ATXN10: variants seen among roughly 807,000 people sequenced by gnomAD.
ATXN10 encodes the protein ataxin 10.
ATXN10 carries 28 observed loss-of-function variants against 52.9 expected under a neutral mutation model. The observed-to-expected ratio is 0.53, with a 90% CI of 0.39 to 0.73. ATXN10 has a LOEUF of 0.73. Ranked by LOEUF, ATXN10 falls within the 30% of genes least tolerant of loss-of-function variation. The probability of loss-of-function intolerance (pLI) is 0.00; values close to 1 mark genes in which losing one functional copy is unlikely to be tolerated. For missense variants in ATXN10, 565 were observed against 577.0 expected, an observed-to-expected ratio of 0.98 and a Z score of 0.21; for synonymous variants, 226 against 221.5, an observed-to-expected ratio of 1.02 and a Z score of -0.18.
At chr22:45,738,688 C>T (rs761776508) in intron 7 of ATXN10, 43 bp from the exon 8 acceptor site, 2 of 1,457,088 alleles carry the variant, frequency 1.4e-6, no homozygotes, top group Non-Finnish European at 1.9e-6. Context: ...TAAATAATTT[C>T]TCTTAAAATA....
At position 45,672,331 on chromosome 22, in the gene ATXN10, C is replaced by T. The variant is rs1009803892; in HGVS notation, c.116+152C>T. 2.7e-5 allele frequency: 23 copies of T among 858,838 alleles called. No individual in the cohort carries two copies. In the East Asian group the frequency reaches 1.0e-3, roughly 37 times the overall value. The allele number at this position is 858,838 out of a possible 1,614,324, so 53.2% of individuals were successfully genotyped here. ...GCTGCCTGAGCGCCACCCAGGCCTC[C>T]CGACTCCCAGGCACCGCCTCGTGCT... On this transcript the variant is annotated intron_variant, in intron 1 of 11. Coordinates refer to ENST00000252934, the MANE Select transcript of ATXN10 (RefSeq NM_013236.4).
In ATXN10 at chr22:45,754,611, G is replaced by T. The variant is rs991215500; in HGVS notation, c.1173+14073G>T. Among the ~76,000 whole-genome samples the T allele has an allele frequency of 6.6e-6, 1 of 152,184 alleles. No individual in the cohort carries two copies. Among genetic ancestry groups the T allele is most frequent in the Non-Finnish European group, 1.5e-5 (1 of 68,034 alleles). On this transcript the variant is annotated intron_variant, in intron 9 of 11. Coordinates refer to ENST00000252934, the MANE Select transcript of ATXN10 (RefSeq NM_013236.4). This position sits in a 1 kb window ranked among gnomAD's most constrained non-coding sequence, Gnocchi z 5.4. ...CGCAAGCCTGTAATCCCAGCACTTT[G>T]GGAGGCCGAGGCCAGCGGATCACCT... is the stretch of plus-strand genomic sequence containing the variant.
In ATXN10 at chr22:45,715,012, T is replaced by C. The variant is rs1601602986; in HGVS notation, c.648-3401T>C. Among the ~76,000 whole-genome samples the C allele has an allele frequency of 2.0e-5, 3 of 152,194 alleles. No individual in the cohort carries two copies. Among genetic ancestry groups the C allele is most frequent in the South Asian group, 2.1e-4 (1 of 4,828 alleles). ...CCCTATACCCTTACTGCTCCATCCA[T>C]GGACAACTTTTTTACTTCAACTTTT... On this transcript the variant is annotated intron_variant, in intron 5 of 11. Transcript: ENST00000252934. This position sits in a 1 kb window ranked among gnomAD's most constrained non-coding sequence, Gnocchi z 4.4.
intron 9 of ATXN10, among the ~76,000 whole-genome samples, chr22:45,756,052 C>T (rs951157571): frequency 2.0e-5 from 3 of 152,140 alleles, no homozygotes; most frequent in Admixed American, 1.3e-4. Flanking sequence ...TTGGCCAAGT[C>T]TCTGAGAGAG....
chr22:45,774,117 T>C lies in ATXN10; in HGVS notation c.1174-32842T>C, dbSNP rs59886249. 0.011 allele frequency among the ~76,000 whole-genome samples: 1,739 copies of C among 152,342 alleles called. 39 individuals are homozygous for C. The highest frequency in any genetic ancestry group is 0.04 in the African/African-American group (1,660 of 41,574). On this transcript the variant is annotated intron_variant, in intron 9 of 11. Transcript: ENST00000252934. The surrounding 1 kb of genome is among the most constrained non-coding windows in gnomAD (Gnocchi z 6.2). ...AGCCAGCACCATTTCAGCATGTGCA[T>C]GTGTGCGCTGGCACTCTGGGAAGTA...
In ATXN10 at chr22:45,819,295, T is replaced by G. The variant is rs978336045; in HGVS notation, c.1237+12273T>G. Among the ~76,000 whole-genome samples the G allele has an allele frequency of 6.6e-6, 1 of 152,192 alleles. No homozygotes were observed. The highest frequency in any genetic ancestry group is 1.5e-5 in the Non-Finnish European group (1 of 68,038). Reference sequence around the variant, plus strand: ...CTTTGTATTTTAGAAATTTTGTATCTGATGTATAAGATCAGATCATAAGCC... The same window carrying G: ...CTTTGTATTTTAGAAATTTTGTATCGGATGTATAAGATCAGATCATAAGCC... On this transcript the variant is annotated intron_variant, in intron 10 of 11. Coordinates refer to ENST00000252934, the MANE Select transcript of ATXN10 (RefSeq NM_013236.4). The surrounding 1 kb of genome is among the most constrained non-coding windows in gnomAD (Gnocchi z 4.5).
At position 45,840,888 on chromosome 22, in the gene ATXN10, T is replaced by C. The variant is rs371607457; in HGVS notation, c.1238-2103T>C. On this transcript the variant is annotated intron_variant, in intron 10 of 11. Transcript: ENST00000252934. The surrounding 1 kb of genome is among the most constrained non-coding windows in gnomAD (Gnocchi z 5.8). Reference sequence around the variant, plus strand: ...ATACTCATGAACAAAAATTCCCCAGTCTTACATTTCTTGCTCCTTGAGTCA... The same window carrying C: ...ATACTCATGAACAAAAATTCCCCAGCCTTACATTTCTTGCTCCTTGAGTCA... Among the ~76,000 whole-genome samples, 6 of 152,350 alleles carry C rather than the reference T, an allele frequency of 3.9e-5. No individual in the cohort carries two copies. The highest frequency in any genetic ancestry group is 1.4e-4 in the African/African-American group (6 of 41,582).
At chr22:45,751,759 AAAAAAATAAT>A (rs1468142816) in intron 9 of ATXN10, among the ~76,000 whole-genome samples, 3,007 of 57,716 alleles carry the variant, frequency 0.052, 99 homozygotes, top group African/African-American at 0.17. Context: ...AAAAAATAAA[AAAAAAATAAT>A]AATAATAATA....
chr22:45,831,312 A>G (rs184484077), intron 10 of ATXN10, among the ~76,000 whole-genome samples: 117 of 152,270 alleles, frequency 7.7e-4, no homozygotes, highest in Non-Finnish European at 1.1e-3. Flanking sequence ...AACACTACCA[A>G]TGTGTACTCT....
chr22:45,680,364 T>C (rs947363747), intron 1 of ATXN10, among the ~76,000 whole-genome samples: 3 of 152,220 alleles, frequency 2.0e-5, no homozygotes, highest in Non-Finnish European at 4.4e-5. Flanking sequence ...CATTGTATTA[T>C]AGGAAACCTC....
chr22:45,734,812 A>G (rs898616047), intron 7 of ATXN10, among the ~76,000 whole-genome samples: 1 of 151,166 alleles, frequency 6.6e-6, no homozygotes, highest in Non-Finnish European at 1.5e-5. Context: ...TTACAGGCAT[A>G]TGATCTTGGA....
chr22:45,695,020 T>C (rs945959148), intron 3 of ATXN10, among the ~76,000 whole-genome samples: 2 of 148,950 alleles, frequency 1.3e-5, no homozygotes, highest in Non-Finnish European at 3.0e-5. Flanking sequence ...TTAGATGTAC[T>C]AAATTATAGG....
At chr22:45,714,756 TC>T (rs35885211) in intron 5 of ATXN10, among the ~76,000 whole-genome samples, 11 of 152,348 alleles carry the variant, frequency 7.2e-5, no homozygotes, top group African/African-American at 2.6e-4. Flanking sequence ...AAAAATGTGT[TC>T]CGTAGTTTTG....
intron 10 of ATXN10, among the ~76,000 whole-genome samples, chr22:45,831,331 G>A (rs1569081858): frequency 6.6e-6 from 1 of 151,930 alleles, no homozygotes; most frequent in Non-Finnish European, 1.5e-5. Context: ...CTTTAGTATA[G>A]TTAGGATGCG....
chr22:45,790,061 A>G lies in ATXN10; in HGVS notation c.1174-16898A>G, dbSNP rs1927453514. ...CTCATTATCAGATTTCCAGAGAGAT[A>G]TTAAAATCCAAAGATAACATTGCAT... On this transcript the variant is annotated intron_variant, in intron 9 of 11. Transcript: ENST00000252934. This position sits in a 1 kb window ranked among gnomAD's most constrained non-coding sequence, Gnocchi z 4.7. Among the ~76,000 whole-genome samples the G allele has an allele frequency of 6.6e-6, 1 of 152,254 alleles. No individual in the cohort carries two copies. The highest frequency in any genetic ancestry group is 1.5e-5 in the Non-Finnish European group (1 of 68,042).
At position 45,691,907 on chromosome 22, in the gene ATXN10, A is replaced by G. The variant is rs911527259; in HGVS notation, c.309-1089A>G. On this transcript the variant is annotated intron_variant, in intron 2 of 11. Coordinates refer to ENST00000252934, the MANE Select transcript of ATXN10 (RefSeq NM_013236.4). The stretch of plus-strand genomic sequence containing the variant: ...GACTCCGTCTCAAAAAAAAAAATGC[A>G]GTCTACCCTTGCTGTCCTGAGCCTT... Among the ~76,000 whole-genome samples the G allele has an allele frequency of 3.9e-5, 6 of 152,182 alleles. No individual in the cohort carries two copies. The East Asian group carries it at 1.2e-3, about 29-fold the overall frequency.
At position 45,702,901 on chromosome 22, in the gene ATXN10, T is replaced by G. The variant is rs140990591; in HGVS notation, c.647+54T>G. The stretch of plus-strand genomic sequence containing the variant: ...TTTGGGGCATCCTGACAGATCACTT[T>G]CCTTGCAGAGGTTTTAAGTAAAAAT... On this transcript the variant is annotated intron_variant, in intron 5 of 11. Coordinates refer to ENST00000252934, the MANE Select transcript of ATXN10 (RefSeq NM_013236.4). 5.1e-4 allele frequency: 813 copies of G among 1,607,376 alleles called. 2 individuals are homozygous for G. Among genetic ancestry groups the G allele is most frequent in the Middle Eastern group, 3.9e-3 (20 of 5,146 alleles).
Position 45,776,171 on chromosome 22 carries a change from G to A in ATXN10, c.1174-30788G>A, listed in dbSNP as rs1025474373. On this transcript the variant is annotated intron_variant, in intron 9 of 11. Transcript: ENST00000252934. ...TAGTTTGCAGAATAAAAAAACACCC[G>A]TTGTGTAAAGGCTTCAGTGATTGTT... 7.2e-5 allele frequency among the ~76,000 whole-genome samples: 11 copies of A among 152,314 alleles called. No individual in the cohort carries two copies. In the East Asian group the frequency reaches 1.2e-3, roughly 16 times the overall value.
In ATXN10 at chr22:45,842,968, ACAT is replaced by A. The variant is rs1361269725; in HGVS notation, c.1238-22_1238-20del. On this transcript the variant is annotated intron_variant, in intron 10 of 11. Coordinates refer to ENST00000252934, the MANE Select transcript of ATXN10 (RefSeq NM_013236.4). This position sits in a 1 kb window ranked among gnomAD's most constrained non-coding sequence, Gnocchi z 4.8. ...TTATCAAACAGGAAAGTACGTTGTC[ACAT>A]TCCTTCACTCTGGCTCCAGTTCTGA... is the stretch of plus-strand genomic sequence containing the variant. 1 of 1,612,884 alleles carries A rather than the reference ACAT, an allele frequency of 6.2e-7. No homozygotes were observed. The highest frequency in any genetic ancestry group is 8.5e-7 in the Non-Finnish European group (1 of 1,178,878).
Sources: gnomAD v4.1 joint callset for allele counts (sites outside exome capture counted in the v4.1 genomes callset) on GRCh38, gnomAD v4.1.1 for gene constraint, Gnocchi (gnomAD v3.1) non-coding constraint, MANE v1.5 for transcripts, NCBI Gene and HGNC (gene_info 2026-07-23, HGNC 2026-07-21) for gene names.